BATF3: variants seen among roughly 807,000 people sequenced by gnomAD.
BATF3 encodes the protein basic leucine zipper ATF-like transcription factor 3.
A neutral mutation model predicts 16.1 loss-of-function variants in BATF3; 8 were observed. That is an observed-to-expected ratio of 0.50 (90% confidence interval 0.29 to 0.90). The LOEUF (loss-of-function observed/expected upper bound fraction) is 0.90. Among genes scored for constraint, BATF3 ranks in the 40% least tolerant of loss-of-function variants. BATF3 has a pLI of 0.08. For missense variants in BATF3, 139 were observed against 167.0 expected, an observed-to-expected ratio of 0.83 and a Z score of 0.92; for synonymous variants, 74 against 72.7, an observed-to-expected ratio of 1.02 and a Z score of -0.09.
rs1656944053 is a variant in BATF3 at position 212,689,556 on chromosome 1, A to C, written c.196-2577T>G. 6.6e-6 allele frequency among the ~76,000 whole-genome samples: 1 copy of C among 152,120 alleles called. No homozygotes were observed. Among genetic ancestry groups the C allele is most frequent in the Admixed American group, 6.5e-5 (1 of 15,274 alleles). ...TGACAAGCTCTAGTTCTGGAGTGAG[A>C]ATTCTGTCTACAAATCCAGCCATAA... On this transcript the variant is annotated intron_variant, in intron 2 of 2. Coordinates refer to ENST00000243440, the MANE Select transcript of BATF3 (RefSeq NM_018664.3). The surrounding 1 kb of genome is among the most constrained non-coding windows in gnomAD (Gnocchi z 4.6).
chr1:212,693,390 C>T (rs902805212), intron 2 of BATF3, among the ~76,000 whole-genome samples: 2 of 152,212 alleles, frequency 1.3e-5, no homozygotes, highest in African/African-American at 4.8e-5. Context: ...GTGAGGGCTA[C>T]AGCTCTGGGG....
At chr1:212,687,996 A>AAAGAAAGAAAGG (rs1274002817) in intron 2 of BATF3, among the ~76,000 whole-genome samples, 38 of 101,336 alleles carry the variant, frequency 3.7e-4, no homozygotes, top group African/African-American at 1.1e-3. Flanking sequence ...AGAAAGAAAG[A>AAAGAAAGAAAGG]AAGGAAGGAA....
At position 212,696,997 on chromosome 1, in the gene BATF3, C is replaced by T; in HGVS notation, c.159G>A (p.Arg53=). ...EKNRVAAQRS[R]KKQTQKADKL... is the part of the protein sequence containing the mutation. ...TGTCAGCCTTCTGGGTCTGCTTCTT[C>T]CGACTTCTCTGAGCAGCAACTCGGT... is the stretch of plus-strand genomic sequence containing the variant. Residue 53 remains arginine, a synonymous_variant, in exon 2 of 3, where the codon CGG becomes CGA. Transcript: ENST00000243440. 1.2e-6 allele frequency: 2 copies of T among 1,614,182 alleles called. No individual in the cohort carries two copies. Among genetic ancestry groups the T allele is most frequent in the Non-Finnish European group, 1.7e-6 (2 of 1,180,028 alleles).
intron 2 of BATF3, among the ~76,000 whole-genome samples, chr1:212,694,818 T>C (rs1657086719): frequency 6.6e-6 from 1 of 152,204 alleles, no homozygotes; most frequent in Non-Finnish European, 1.5e-5. Flanking sequence ...GCACCTTCTG[T>C]GACACTAGTC....
intron 2 of BATF3, 131 bp downstream of exon 2, chr1:212,696,830 T>C (rs1657143532): frequency 1.4e-5 from 10 of 702,368 alleles, no homozygotes; most frequent in Admixed American, 1.4e-4. Flanking sequence ...AACACTGGGC[T>C]GGAAGGACCT....
rs1657210023 is a variant in BATF3 at position 212,699,380 on chromosome 1, G to C, written c.90+293C>G. Among the ~76,000 whole-genome samples the C allele has an allele frequency of 6.6e-6, 1 of 152,136 alleles. No individual in the cohort carries two copies. Among genetic ancestry groups the C allele is most frequent in the Non-Finnish European group, 1.5e-5 (1 of 67,990 alleles). ...GGAGCCCACGTGCCGGGGAGCACCG[G>C]CCATGCCCGGCCCAGCCAGGCGTCG... On this transcript the variant is annotated intron_variant, in intron 1 of 2. Coordinates refer to ENST00000243440, the MANE Select transcript of BATF3 (RefSeq NM_018664.3). This position sits in a 1 kb window ranked among gnomAD's most constrained non-coding sequence, Gnocchi z 4.4.
intron 2 of BATF3, among the ~76,000 whole-genome samples, chr1:212,696,646 A>G (rs1403589812): frequency 6.6e-6 from 1 of 152,192 alleles, no homozygotes; most frequent in African/African-American, 2.4e-5. Context: ...TTGGAGGGAA[A>G]CAAAACAAAA....
At chr1:212,697,261 G>A in intron 1 of BATF3, 196 bp from the exon 2 acceptor site, 1 of 536,800 alleles carries the variant, frequency 1.9e-6, no homozygotes, top group Non-Finnish European at 3.3e-6. Flanking sequence ...TGAAGTGTGT[G>A]GTGTGACCGC....
Position 212,698,465 on chromosome 1 carries a change from T to A in BATF3, c.90+1208A>T, listed in dbSNP as rs547597309. ...AGCCCTAAACAAAGGGTCAGTGAAC[T>A]CTGCAGACTTGGTGCTAACAGCCTA... On this transcript the variant is annotated intron_variant, in intron 1 of 2. Transcript: ENST00000243440. The A allele has an allele frequency of 3.9e-5, 6 of 152,390 alleles. No individual in the cohort carries two copies. The South Asian group carries it at 1.2e-3, about 32-fold the overall frequency. The allele number at this position is 152,390 out of a possible 1,614,324, so 9.4% of individuals were successfully genotyped here. A position where few individuals can be genotyped will look rare whatever the true frequency, so the allele number is the denominator to read the frequency against.
Position 212,686,777 on chromosome 1 carries a change from G to C in BATF3, c.*14C>G, listed in dbSNP as rs775371085. On this transcript the variant is annotated 3_prime_UTR_variant, in exon 3 of 3. Coordinates refer to ENST00000243440, the MANE Select transcript of BATF3 (RefSeq NM_018664.3). The stretch of plus-strand genomic sequence containing the variant: ...GACCAAGGCTCCTTGCTGGGCAGAG[G>C]AGTGTCCCCGGCTTCATCGGGGCAA... The C allele has an allele frequency of 3.1e-6, 5 of 1,605,522 alleles. No individual in the cohort carries two copies. In the East Asian group the frequency reaches 8.9e-5, roughly 29 times the overall value.
At chr1:212,693,359 T>C (rs1011061747) in intron 2 of BATF3, among the ~76,000 whole-genome samples, 1 of 152,174 alleles carries the variant, frequency 6.6e-6, no homozygotes, top group African/African-American at 2.4e-5. Flanking sequence ...ACGACACTTG[T>C]GTGGAGCTAG....
chr1:212,698,565 T>G (rs972262067), intron 1 of BATF3: 2 of 151,934 alleles, frequency 1.3e-5, no homozygotes, highest in Non-Finnish European at 2.9e-5. Flanking sequence ...CTCAAGAAGT[T>G]ACCTGCCTTT....
chr1:212,697,270 G>A (rs12133919), intron 1 of BATF3: 71,692 of 507,300 alleles, frequency 0.14, 5,720 homozygotes, highest in South Asian at 0.24. Flanking sequence ...TGGTGTGACC[G>A]CCGTTTAAAA....
At chr1:212,698,781 T>C (rs1267875627) in intron 1 of BATF3, 1 of 152,180 alleles carries the variant, frequency 6.6e-6, no homozygotes, top group Non-Finnish European at 1.5e-5. Flanking sequence ...TGAGCGAAAG[T>C]TAGAGATAGT....
At position 212,699,755 on chromosome 1, in the gene BATF3, T is replaced by A; in HGVS notation, c.8A>T (p.Gln3Leu). The A allele has an allele frequency of 7.8e-7, 1 of 1,277,552 alleles. No individual in the cohort carries two copies. The highest frequency in any genetic ancestry group is 2.5e-5 in the South Asian group (1 of 40,624). The allele number at this position is 1,277,552 out of a possible 1,614,324, so 79.1% of individuals were successfully genotyped here. MS[Q>L]GLPAAGSVLQ... ...GACGCTGCCGGCGGCCGGGAGCCCT[T>A]GCGACATGCCGGGCGCTCCTCTGGC... The change falls in exon 1 of 3, where the codon CAA (glutamine) becomes CTA (leucine). Residue 3 changes from glutamine (Q) to leucine (L), a missense_variant. Gln to Leu is a moderately radical substitution (Grantham distance 113). Transcript: ENST00000243440. This position sits in a 1 kb window ranked among gnomAD's most constrained non-coding sequence, Gnocchi z 4.4.
At chr1:212,694,449 A>G (rs529322101) in intron 2 of BATF3, among the ~76,000 whole-genome samples, 1 of 152,122 alleles carries the variant, frequency 6.6e-6, no homozygotes, top group Admixed American at 6.5e-5. Context: ...ATGCCTTGGT[A>G]TTTGTGAAAT....
chr1:212,695,603 A>T (rs1470845357), intron 2 of BATF3, among the ~76,000 whole-genome samples: 1 of 151,792 alleles, frequency 6.6e-6, no homozygotes, highest in South Asian at 2.1e-4. Context: ...TGATCATGCC[A>T]TCACACTCCA....
At chr1:212,696,580 A>G (rs1185470613) in intron 2 of BATF3, among the ~76,000 whole-genome samples, 2 of 146,068 alleles carry the variant, frequency 1.4e-5, no homozygotes, top group Admixed American at 6.7e-5. Flanking sequence ...CCAGGGACAC[A>G]GAGACAACAG....
intron 2 of BATF3, among the ~76,000 whole-genome samples, chr1:212,696,593 G>GTA (rs1553247504): frequency 2.0e-5 from 3 of 151,928 alleles, no homozygotes; most frequent in Admixed American, 1.3e-4. Context: ...GACAACAGGT[G>GTA]TAACTACTCT....
Sources: allele counts gnomAD v4.1 joint callset (sites outside exome capture counted in the v4.1 genomes callset), GRCh38; gene constraint gnomAD v4.1.1; non-coding constraint Gnocchi (gnomAD v3.1); transcripts MANE v1.5; gene names NCBI Gene and HGNC (gene_info 2026-07-23, HGNC 2026-07-21).